SPAG1: variants seen among roughly 807,000 people sequenced by gnomAD.
The protein encoded by SPAG1 is sperm associated antigen 1.
A neutral mutation model predicts 100.5 loss-of-function variants in SPAG1; 69 were observed. The observed-to-expected ratio is 0.69, with a 90% CI of 0.57 to 0.84. SPAG1 has a LOEUF of 0.84. Among genes scored for constraint, SPAG1 ranks in the 40% least tolerant of loss-of-function variants. The pLI is 0.00. For synonymous variants in SPAG1, 336 were observed against 411.6 expected, an observed-to-expected ratio of 0.82 and a Z score of 2.22; for missense variants, 955 against 1,133.1, an observed-to-expected ratio of 0.84 and a Z score of 2.26.
Position 100,241,348 on chromosome 8 carries a change from CTCT to C in SPAG1, c.*328_*330del, listed in dbSNP as rs1819263764. ...CATTTCTTTGGGCTATGAAGGAGTC[CTCT>C]TAAGTTTGATAGAAATGAATTTCTT... On this transcript the variant is annotated 3_prime_UTR_variant, in exon 19 of 19. Coordinates refer to ENST00000388798, the MANE Select transcript of SPAG1 (RefSeq NM_003114.5). The surrounding 1 kb of genome is among the most constrained non-coding windows in gnomAD (Gnocchi z 5.1). 2 of 163,176 alleles carry C rather than the reference CTCT, an allele frequency of 1.2e-5. No homozygotes were observed. Among genetic ancestry groups the C allele is most frequent in the African/African-American group, 2.4e-5 (1 of 41,776 alleles). The allele number at this position is 163,176 out of a possible 1,614,324, so 10.1% of individuals were successfully genotyped here.
intron 3 of SPAG1, among the ~76,000 whole-genome samples, chr8:100,174,183 A>G (rs752730387): frequency 6.6e-6 from 1 of 152,222 alleles, no homozygotes; most frequent in Non-Finnish European, 1.5e-5. Flanking sequence ...TCGTTGACTG[A>G]AAGCCTTACC....
At chr8:100,193,649 G>C (rs1213796412) in intron 9 of SPAG1, among the ~76,000 whole-genome samples, 1 of 152,178 alleles carries the variant, frequency 6.6e-6, no homozygotes, top group Non-Finnish European at 1.5e-5. Context: ...GGGTGTGGTA[G>C]CTCACGCCTG....
chr8:100,209,385 G>T (rs2132337808), intron 10 of SPAG1, among the ~76,000 whole-genome samples: 1 of 146,144 alleles, frequency 6.8e-6, no homozygotes, highest in East Asian at 2.0e-4. Flanking sequence ...TCCCTCTAGA[G>T]AGAACCCTGA....
chr8:100,228,530 T>C (rs1297211265), intron 14 of SPAG1, among the ~76,000 whole-genome samples: 1 of 151,630 alleles, frequency 6.6e-6, no homozygotes, highest in African/African-American at 2.4e-5. Context: ...CTAGGCAACA[T>C]GGCAAAACCC....
rs1217846664 is a variant in SPAG1 at position 100,241,127 on chromosome 8, T to A, written c.*105T>A. ...ATGGATAAAACTTGGCCTAGAAAAG[T>A]TTGGTCTGCACTATAAAACATTTTA... On this transcript the variant is annotated 3_prime_UTR_variant, in exon 19 of 19. Coordinates refer to ENST00000388798, the MANE Select transcript of SPAG1 (RefSeq NM_003114.5). The surrounding 1 kb of genome is among the most constrained non-coding windows in gnomAD (Gnocchi z 5.1). The A allele has an allele frequency of 1.7e-6, 2 of 1,176,038 alleles. No individual in the cohort carries two copies. Among genetic ancestry groups the A allele is most frequent in the East Asian group, 4.9e-5 (2 of 41,174 alleles). 72.9% of individuals were successfully genotyped at this position (1,176,038 alleles called of 1,614,324 possible).
At chr8:100,188,519 T>G (rs1816680172) in intron 8 of SPAG1, among the ~76,000 whole-genome samples, 2 of 152,214 alleles carry the variant, frequency 1.3e-5, no homozygotes, top group Admixed American at 1.3e-4. Flanking sequence ...TAAATTAAAT[T>G]TGTCCAAAAC....
chr8:100,172,523 G>A (rs1046289102), intron 3 of SPAG1, among the ~76,000 whole-genome samples: 3 of 152,072 alleles, frequency 2.0e-5, no homozygotes, highest in Non-Finnish European at 1.5e-5. Flanking sequence ...AGGAGGCTGA[G>A]GCATGAGAAT....
In SPAG1 at chr8:100,165,948, G is replaced by A; in HGVS notation, c.275G>A (p.Trp92Ter). The change falls in exon 3 of 19, where the codon TGG becomes TAG. Residue 92 changes from tryptophan (W) to a stop codon, truncating the protein, a stop_gained. Coordinates refer to ENST00000388798, the MANE Select transcript of SPAG1 (RefSeq NM_003114.5). LOFTEE classifies it high-confidence loss of function. ...ATAASFTAEE[W>*]EKIDGDIKSW... The stretch of plus-strand genomic sequence containing the variant: ...GCAGCCAGTTTTACAGCTGAAGAAT[G>A]GGAAAAAATTGATGGTGATATAAAG... 1 of 1,612,836 alleles carries A rather than the reference G, an allele frequency of 6.2e-7. No individual in the cohort carries two copies. The highest frequency in any genetic ancestry group is 8.5e-7 in the Non-Finnish European group (1 of 1,179,656).
At chr8:100,234,763 G>A (rs1046007289) in intron 16 of SPAG1, among the ~76,000 whole-genome samples, 2 of 152,202 alleles carry the variant, frequency 1.3e-5, no homozygotes, top group African/African-American at 2.4e-5. Context: ...GAGGCCAGAT[G>A]TGACTAGGAG....
intron 8 of SPAG1, among the ~76,000 whole-genome samples, chr8:100,188,635 C>T (rs1816684420): frequency 1.3e-5 from 2 of 152,192 alleles, no homozygotes; most frequent in Non-Finnish European, 2.9e-5. Flanking sequence ...ACTCTATTCT[C>T]CTTTTCTGTT....
At chr8:100,182,166 C>G (rs533111468) in intron 4 of SPAG1, among the ~76,000 whole-genome samples, 6 of 152,292 alleles carry the variant, frequency 3.9e-5, no homozygotes, top group Admixed American at 6.5e-5. Context: ...TTCCTTAGTA[C>G]TTATCTAGCA....
chr8:100,219,951 C>T (rs566334736), intron 12 of SPAG1, among the ~76,000 whole-genome samples: 21 of 152,302 alleles, frequency 1.4e-4, no homozygotes, highest in Admixed American at 3.9e-4. Context: ...AATCTGTCAA[C>T]GACAATCTGT....
At chr8:100,172,632 A>ATGTGTGTGTGTG (rs1476386593) in intron 3 of SPAG1, among the ~76,000 whole-genome samples, 2 of 93,728 alleles carry the variant, frequency 2.1e-5, no homozygotes, top group Admixed American at 1.1e-4. Flanking sequence ...AAAAAGAAAT[A>ATGTGTGTGTGTG]TATGTGTGTG....
intron 10 of SPAG1, among the ~76,000 whole-genome samples, chr8:100,201,939 A>C (rs1817293314): frequency 6.6e-6 from 1 of 152,204 alleles, no homozygotes; most frequent in Non-Finnish European, 1.5e-5. Flanking sequence ...CTGCTCCAGC[A>C]AATTAATTGA....
intron 10 of SPAG1, among the ~76,000 whole-genome samples, chr8:100,196,805 G>A (rs894653958): frequency 6.6e-6 from 1 of 152,034 alleles, no homozygotes; most frequent in Non-Finnish European, 1.5e-5. Context: ...TTCAGAGATA[G>A]GGTCTTGCTC....
chr8:100,161,701 A>C (rs1815314172), intron 1 of SPAG1, among the ~76,000 whole-genome samples: 1 of 152,182 alleles, frequency 6.6e-6, no homozygotes, highest in African/African-American at 2.4e-5. Flanking sequence ...GCAGGAGACA[A>C]GATAAGGGTA....
chr8:100,225,264 G>A lies in SPAG1; in HGVS notation c.1780G>A (p.Ala594Thr), dbSNP rs1237117625. The change falls in exon 14 of 19, where the codon GCT becomes ACT. Residue 594 changes from alanine to threonine, a missense_variant. By Grantham distance (58) the Ala-to-Thr change is moderately conservative. Transcript: ENST00000388798. ...PAVPASVPLQ[A>T]WHPAKEMISK... ...TGTGCCTGCTTCTGTGCCACTGCAAGCTTGGCATCCGGCAAAAGAGATGAT... is the reference window on the plus strand; with the variant it reads ...TGTGCCTGCTTCTGTGCCACTGCAAACTTGGCATCCGGCAAAAGAGATGAT... 2 of 1,613,828 alleles carry A rather than the reference G, an allele frequency of 1.2e-6. No homozygotes were observed. Among genetic ancestry groups the A allele is most frequent in the African/African-American group, 2.7e-5 (2 of 74,862 alleles).
chr8:100,205,666 T>C (rs1206592676), intron 10 of SPAG1, among the ~76,000 whole-genome samples: 3 of 152,008 alleles, frequency 2.0e-5, no homozygotes, highest in African/African-American at 7.3e-5. Flanking sequence ...ATAAATAATA[T>C]CGCATCCCTG....
intron 3 of SPAG1, among the ~76,000 whole-genome samples, chr8:100,174,034 A>C (rs1815996126): frequency 6.6e-6 from 1 of 152,164 alleles, no homozygotes; most frequent in Admixed American, 6.5e-5. Context: ...ACATTGTCTA[A>C]AAAATTGACT....
Sources: allele counts gnomAD v4.1 joint callset (sites outside exome capture counted in the v4.1 genomes callset), GRCh38; gene constraint gnomAD v4.1.1; non-coding constraint Gnocchi (gnomAD v3.1); transcripts MANE v1.5; gene names NCBI Gene and HGNC (gene_info 2026-07-23, HGNC 2026-07-21).